Variants in ENTPD3 observed in about 807,000 individuals in gnomAD.
ENTPD3 encodes the protein ectonucleoside triphosphate diphosphohydrolase 3.
In ENTPD3, 60 loss-of-function variants were observed where a neutral mutation model predicts 51.2. The ratio of observed to expected loss-of-function variants is 1.17; its 90% CI spans 0.95 to 1.45. The LOEUF is 1.45. Among genes scored for constraint, ENTPD3 ranks in the 40% most tolerant of loss-of-function variants. The pLI, the probability that ENTPD3 is intolerant of heterozygous loss-of-function variation, is 0.00. For synonymous variants in ENTPD3, 221 were observed against 238.4 expected (o/e 0.93, Z 0.67); for missense variants, 593 against 641.1 (o/e 0.93, Z 0.81).
At position 40,428,700 on chromosome 3, in the gene ENTPD3, T is replaced by G. The variant is rs1956024150; in HGVS notation, c.*1192T>G. ...CCTAGGTGATATTTATGAGAGAAATTTTTTTCCCTAGCAAATTAAGAAACC... is the reference window on the plus strand; with the variant it reads ...CCTAGGTGATATTTATGAGAGAAATGTTTTTCCCTAGCAAATTAAGAAACC... On this transcript the variant is annotated 3_prime_UTR_variant, in exon 11 of 11. Transcript: ENST00000301825. 6.6e-6 allele frequency: 1 copy of G among 152,180 alleles called. No homozygotes were observed. The highest frequency in any genetic ancestry group is 1.5e-5 in the Non-Finnish European group (1 of 68,030). The allele number at this position is 152,180 out of a possible 1,614,324, so 9.4% of individuals were successfully genotyped here.
In ENTPD3 at chr3:40,422,933, T is replaced by C. The variant is rs1955908653; in HGVS notation, c.915T>C (p.Asp305=). Reference sequence around the variant, plus strand: ...GCTTCACCATGGGCCATGTATTTGATAGCCTGTGCACTGTGGACCAGAGGC... The same window carrying C: ...GCTTCACCATGGGCCATGTATTTGACAGCCTGTGCACTGTGGACCAGAGGC... The part of the protein sequence containing the change: ...SISFTMGHVF[D]SLCTVDQRPE... Residue 305 remains aspartate (D), a synonymous_variant, in exon 8 of 11, where the codon GAT becomes GAC. Transcript: ENST00000301825. The C allele has an allele frequency of 1.2e-6, 2 of 1,614,076 alleles. No homozygotes were observed. Among genetic ancestry groups the C allele is most frequent in the Non-Finnish European group, 1.7e-6 (2 of 1,179,984 alleles).
intron 3 of ENTPD3, 154 bp downstream of exon 3, chr3:40,392,304 G>T: frequency 1.2e-6 from 1 of 805,620 alleles, no homozygotes; most frequent in South Asian, 1.9e-5. Context: ...AAGGGAGAAG[G>T]TCTGGACATG....
chr3:40,415,833 T>G lies in ENTPD3; in HGVS notation c.598-7T>G, dbSNP rs756074694. The G allele has an allele frequency of 6.2e-7, 1 of 1,611,678 alleles. No homozygotes were observed. The highest frequency in any genetic ancestry group is 8.5e-7 in the Non-Finnish European group (1 of 1,178,024). ...TTTCTTTCTCACTTCCTTTTCCCAC[T>G]GTGCAGAAGAACCTGTGGCACATGT... On this transcript the variant is annotated splice_polypyrimidine_tract_variant and splice_region_variant and intron_variant, in intron 6 of 10. Transcript: ENST00000301825.
intron 7 of ENTPD3, among the ~76,000 whole-genome samples, chr3:40,421,513 A>C (rs1955871881): frequency 6.6e-6 from 1 of 152,240 alleles, no homozygotes; most frequent in African/African-American, 2.4e-5. Context: ...AGTAAAGCCA[A>C]GTCTCTGAGT....
At chr3:40,424,479 G>A (rs535480115) in intron 10 of ENTPD3, among the ~76,000 whole-genome samples, 1 of 152,276 alleles carries the variant, frequency 6.6e-6, no homozygotes, top group East Asian at 1.9e-4. Flanking sequence ...CTCTTTGAAT[G>A]AACCTGAAGT....
chr3:40,413,504 C>A (rs1257663506), intron 5 of ENTPD3, among the ~76,000 whole-genome samples: 1 of 152,156 alleles, frequency 6.6e-6, no homozygotes, highest in Non-Finnish European at 1.5e-5. Flanking sequence ...TGGCTCTGAA[C>A]TTATGACTTA....
At chr3:40,394,856 G>T (rs1359486936) in intron 3 of ENTPD3, among the ~76,000 whole-genome samples, 2 of 152,118 alleles carry the variant, frequency 1.3e-5, no homozygotes, top group African/African-American at 2.4e-5. Context: ...GCCTGCCCTG[G>T]GCCCCACATT....
chr3:40,387,908 G>T, intron 1 of ENTPD3, 138 bp from the exon 2 acceptor site: 1 of 607,886 alleles, frequency 1.6e-6, no homozygotes, highest in Non-Finnish European at 3.0e-6. Flanking sequence ...GAAGTTCTGG[G>T]GTTCGGCTTA....
At chr3:40,415,785 C>A (rs551685322) in intron 6 of ENTPD3, 55 bp from the exon 7 acceptor site, 366 of 1,454,328 alleles carry the variant, frequency 2.5e-4, no homozygotes, top group Non-Finnish European at 3.3e-4. Context: ...GAACTCTGGG[C>A]AAACAGAGAT....
Position 40,427,408 on chromosome 3 carries a change from C to T in ENTPD3, c.1490C>T (p.Ala497Val). The T allele has an allele frequency of 6.2e-7, 1 of 1,613,810 alleles. No homozygotes were observed. The highest frequency in any genetic ancestry group is 8.5e-7 in the Non-Finnish European group (1 of 1,180,012). ...FVGTLAFFTAAALLCLAFLAY... is the reference protein window; with the variant it reads ...FVGTLAFFTAVALLCLAFLAY... ...GGCACCCTCGCTTTCTTCACAGCGG[C>T]AGCCTTGCTGTGTCTGGCATTTCTT... Residue 497 changes from alanine (A) to valine (V), a missense_variant, in exon 11 of 11, where the codon GCA becomes GTA. Coordinates refer to ENST00000301825, the MANE Select transcript of ENTPD3 (RefSeq NM_001248.4).
Position 40,427,508 on chromosome 3 carries a change from AG to A in ENTPD3, c.*1del, listed in dbSNP as rs1398756452. 6.2e-7 allele frequency: 1 copy of A among 1,611,278 alleles called. No homozygotes were observed. The highest frequency in any genetic ancestry group is 1.7e-5 in the Admixed American group (1 of 60,008). On this transcript the variant is annotated 3_prime_UTR_variant, in exon 11 of 11. Coordinates refer to ENST00000301825, the MANE Select transcript of ENTPD3 (RefSeq NM_001248.4). ...TTGACCATGCAGTGGATTCTGACTG[AG>A]CCTTCAAAGCAGCTCCTGGAGTCCA... is the stretch of plus-strand genomic sequence containing the variant.
intron 10 of ENTPD3, among the ~76,000 whole-genome samples, chr3:40,426,121 T>TTTTTTTTTTTTC (rs1955979336): frequency 6.8e-6 from 1 of 146,180 alleles, no homozygotes. Flanking sequence ...TTTTTTTTTT[T>TTTTTTTTTTTTC]TTTTTGAGAC....
chr3:40,413,398 T>C (rs1372739895), intron 5 of ENTPD3, among the ~76,000 whole-genome samples: 23 of 152,162 alleles, frequency 1.5e-4, no homozygotes, highest in Admixed American at 1.5e-3. Context: ...CAGGGAGAAA[T>C]ACTGGTTCAA....
intron 10 of ENTPD3, among the ~76,000 whole-genome samples, chr3:40,425,871 C>T (rs533523900): frequency 2.0e-5 from 3 of 149,300 alleles, no homozygotes; most frequent in African/African-American, 7.4e-5. Flanking sequence ...TCACTTTAGC[C>T]TGGGCGAAAG....
At chr3:40,414,053 GGCA>G (rs1955690661) in intron 5 of ENTPD3, among the ~76,000 whole-genome samples, 1 of 152,142 alleles carries the variant, frequency 6.6e-6, no homozygotes, top group African/African-American at 2.4e-5. Flanking sequence ...AGGGTAAAAT[GGCA>G]GCAGATGGAC....
chr3:40,404,011 G>A (rs541376145), intron 4 of ENTPD3, among the ~76,000 whole-genome samples: 1 of 152,242 alleles, frequency 6.6e-6, no homozygotes, highest in East Asian at 1.9e-4. Context: ...GCCTTGCTCT[G>A]ACCTCAACCA....
At chr3:40,391,999 G>A in intron 2 of ENTPD3, 24 bp from the exon 3 acceptor site, 1 of 1,613,550 alleles carries the variant, frequency 6.2e-7, no homozygotes, top group Non-Finnish European at 8.5e-7. Context: ...CCCCTCAAGT[G>A]TCTTCTGGGT....
At chr3:40,404,845 C>T (rs1955454125) in intron 4 of ENTPD3, among the ~76,000 whole-genome samples, 1 of 152,168 alleles carries the variant, frequency 6.6e-6, no homozygotes, top group African/African-American at 2.4e-5. Flanking sequence ...TGCTTGCTCA[C>T]CCAGCAGGGA....
In ENTPD3 at chr3:40,414,694, A is replaced by G. The variant is rs1955703896; in HGVS notation, c.451A>G (p.Thr151Ala). The stretch of plus-strand genomic sequence containing the variant: ...TGCCTTGTACAGGTTGCAAAATGAA[A>G]CAGCAGCTAATGAAGTCCTTGAAAG... ...GMRLLRLQNETAANEVLESIQ... is the reference protein window; with the variant it reads ...GMRLLRLQNEAAANEVLESIQ... The change falls in exon 6 of 11, where the codon ACA (threonine) becomes GCA (alanine). Residue 151 changes from threonine (T) to alanine (A), a missense_variant. Coordinates refer to ENST00000301825, the MANE Select transcript of ENTPD3 (RefSeq NM_001248.4). 6.2e-7 allele frequency: 1 copy of G among 1,613,986 alleles called. No individual in the cohort carries two copies. The highest frequency in any genetic ancestry group is 1.3e-5 in the African/African-American group (1 of 74,918).
Sources: gnomAD v4.1 joint callset for allele counts (sites outside exome capture counted in the v4.1 genomes callset) on GRCh38, gnomAD v4.1.1 for gene constraint, MANE v1.5 for transcripts, NCBI Gene and HGNC (gene_info 2026-07-23, HGNC 2026-07-21) for gene names.